ULK4: variants seen among roughly 807,000 people sequenced by gnomAD.
ULK4 encodes inactive serine/threonine-protein kinase ULK4.
A neutral mutation model predicts 160.6 loss-of-function variants in ULK4; 133 were observed. The ratio of observed to expected loss-of-function variants is 0.83; its 90% confidence interval spans 0.72 to 0.96. ULK4 has a LOEUF of 0.96. Ranked by LOEUF, ULK4 falls within the 40% of genes least tolerant of loss-of-function variation. ULK4 has a pLI of 0.00. For missense variants in ULK4, 1,580 were observed against 1,499.5 expected, an observed-to-expected ratio of 1.05 and a Z score of -0.89; for synonymous variants, 534 against 539.8, an observed-to-expected ratio of 0.99 and a Z score of 0.15.
chr3:41,360,078 GA>G (rs748096237), intron 35 of ULK4, among the ~76,000 whole-genome samples: 2 of 150,666 alleles, frequency 1.3e-5, no homozygotes, highest in South Asian at 2.1e-4. Flanking sequence ...ACATTTACAG[GA>G]AAAAAAACCC....
chr3:41,467,799 T>C (rs1256708682), intron 32 of ULK4, among the ~76,000 whole-genome samples: 1 of 152,210 alleles, frequency 6.6e-6, no homozygotes, highest in Non-Finnish European at 1.5e-5. Flanking sequence ...ACAGAAGTTA[T>C]TTCTAGGAGA....
At chr3:41,289,576 T>G (rs905316118) in intron 35 of ULK4, among the ~76,000 whole-genome samples, 1 of 152,098 alleles carries the variant, frequency 6.6e-6, no homozygotes, top group Non-Finnish European at 1.5e-5. Context: ...TTTCACACAA[T>G]AAAAGCCTGG....
At chr3:41,857,031 AG>A (rs1265520620) in intron 17 of ULK4, among the ~76,000 whole-genome samples, 1 of 152,170 alleles carries the variant, frequency 6.6e-6, no homozygotes, top group African/African-American at 2.4e-5. Context: ...TAAAAGACTC[AG>A]AAACACAGGG....
At chr3:41,338,144 G>A (rs916321914) in intron 35 of ULK4, among the ~76,000 whole-genome samples, 4 of 152,212 alleles carry the variant, frequency 2.6e-5, no homozygotes, top group African/African-American at 9.6e-5. Context: ...TAAATAAGAA[G>A]AGAGAAAGTG....
At chr3:41,361,431 G>A (rs528379509) in intron 35 of ULK4, among the ~76,000 whole-genome samples, 6 of 152,304 alleles carry the variant, frequency 3.9e-5, no homozygotes, top group African/African-American at 1.2e-4. Context: ...AAGTGCTCTT[G>A]GACACAAACT....
chr3:41,455,041 T>G (rs2083513293), intron 34 of ULK4, among the ~76,000 whole-genome samples: 1 of 152,184 alleles, frequency 6.6e-6, no homozygotes, highest in African/African-American at 2.4e-5. Flanking sequence ...TCGTGTATAG[T>G]CTTACCTGTT....
intron 1 of ULK4, among the ~76,000 whole-genome samples, chr3:41,959,823 T>C (rs1481110659): frequency 6.6e-6 from 1 of 152,138 alleles, no homozygotes; most frequent in Non-Finnish European, 1.5e-5. Flanking sequence ...CCCAGCTATA[T>C]GGTATGTATT....
chr3:41,477,158 C>G (rs889052175), intron 32 of ULK4, among the ~76,000 whole-genome samples: 2 of 152,144 alleles, frequency 1.3e-5, no homozygotes, highest in Admixed American at 1.3e-4. Flanking sequence ...TTAATTATAA[C>G]CAACTCCTAA....
chr3:41,889,821 C>T (rs1697852965), intron 16 of ULK4, among the ~76,000 whole-genome samples: 1 of 152,136 alleles, frequency 6.6e-6, no homozygotes, highest in African/African-American at 2.4e-5. Context: ...AAATGTTCAG[C>T]GCACCATTAT....
rs1321323280 is a variant in ULK4, at chr3:41,931,770, A to C, written c.541+74T>G. 4.6e-6 allele frequency: 7 copies of C among 1,529,168 alleles called. 1 individual carries two copies. In the South Asian group the frequency reaches 8.5e-5, roughly 19 times the overall value. The allele number at this position is 1,529,168 out of a possible 1,614,324, so 94.7% of individuals were successfully genotyped here. A position where few individuals can be genotyped will look rare whatever the true frequency, so the allele number is the denominator to read the frequency against. Reference sequence around the variant, plus strand: ...TTGAGTGGCAAAACAAAAGACTGACATTGTCTCCTAAACACAGGACTTGGA... The same window carrying C: ...TTGAGTGGCAAAACAAAAGACTGACCTTGTCTCCTAAACACAGGACTTGGA... On this transcript the variant is annotated intron_variant, in intron 5 of 36. Transcript: ENST00000301831.
At chr3:41,947,419 T>G (rs527242362) in intron 2 of ULK4, among the ~76,000 whole-genome samples, 2 of 152,162 alleles carry the variant, frequency 1.3e-5, no homozygotes, top group African/African-American at 4.8e-5. Flanking sequence ...TGATGGTAAA[T>G]GCTATATGGA....
intron 32 of ULK4, among the ~76,000 whole-genome samples, chr3:41,500,314 C>T (rs1421691204): frequency 6.8e-6 from 1 of 147,756 alleles, no homozygotes; most frequent in Non-Finnish European, 1.5e-5. Flanking sequence ...TCATTTAAGG[C>T]ACTGGTTCTC....
chr3:41,637,360 C>T (rs1208515110), intron 30 of ULK4, among the ~76,000 whole-genome samples: 1 of 152,174 alleles, frequency 6.6e-6, no homozygotes, highest in Non-Finnish European at 1.5e-5. Context: ...ATATTGCCAC[C>T]AATGACAGGA....
At chr3:41,888,574 G>C (rs750541348) in intron 16 of ULK4, among the ~76,000 whole-genome samples, 8 of 152,170 alleles carry the variant, frequency 5.3e-5, no homozygotes, top group Non-Finnish European at 1.0e-4. Flanking sequence ...TTGTGTCCTT[G>C]TACAAGGAAC....
At chr3:41,488,332 G>A (rs2084619684) in intron 32 of ULK4, among the ~76,000 whole-genome samples, 1 of 152,140 alleles carries the variant, frequency 6.6e-6, no homozygotes, top group Non-Finnish European at 1.5e-5. Context: ...ATAGGAAAAA[G>A]TGGAGACGGT....
In ULK4 at chr3:41,575,339, G is replaced by C. The variant is rs575525216; in HGVS notation, c.3121-9209C>G. 2.6e-5 allele frequency among the ~76,000 whole-genome samples: 4 copies of C among 152,310 alleles called. No homozygotes were observed. The South Asian group carries it at 8.3e-4, about 32-fold the overall frequency. ...CCCCTGGGCATTTGCTCTGTTAGTT[G>C]TGCAGCAGGTAAACAGCCCCTCTGC... On this transcript the variant is annotated intron_variant, in intron 31 of 36. Transcript: ENST00000301831.
intron 27 of ULK4, among the ~76,000 whole-genome samples, chr3:41,691,866 G>C (rs372788818): frequency 2.1e-5 from 3 of 143,768 alleles, no homozygotes; most frequent in Non-Finnish European, 3.0e-5. Context: ...ACACCAAACA[G>C]CAACAATGCA....
intron 32 of ULK4, among the ~76,000 whole-genome samples, chr3:41,493,351 G>A (rs1245495028): frequency 6.9e-6 from 1 of 144,840 alleles, no homozygotes; most frequent in Non-Finnish European, 1.5e-5. Flanking sequence ...CGAAATGAAG[G>A]CAGAAATAAA....
Position 41,595,980 on chromosome 3 carries a change from G to C in ULK4, c.3120+19689C>G, listed in dbSNP as rs558633666. 2.3e-4 allele frequency among the ~76,000 whole-genome samples: 35 copies of C among 152,278 alleles called. 1 individual carries two copies. The East Asian group carries it at 4.8e-3, about 21-fold the overall frequency. The stretch of plus-strand genomic sequence containing the variant: ...TATTTCCTAACGAGATCTAAAAAGA[G>C]AGTCAGAGAAATTAACAACAGCAGA... On this transcript the variant is annotated intron_variant, in intron 31 of 36. Coordinates refer to ENST00000301831, the MANE Select transcript of ULK4 (RefSeq NM_017886.4).
Sources: allele counts gnomAD v4.1 joint callset (sites outside exome capture counted in the v4.1 genomes callset), GRCh38; gene constraint gnomAD v4.1.1; transcripts MANE v1.5; gene names NCBI Gene and HGNC (gene_info 2026-07-23, HGNC 2026-07-21).